The following PDE11A variants were observed in gnomAD, a reference collection of about 807,000 sequenced individuals.
The protein encoded by PDE11A is dual 3',5'-cyclic-AMP and -GMP phosphodiesterase 11A.
A neutral mutation model predicts 100.5 loss-of-function variants in PDE11A; 100 were observed. The ratio of observed to expected loss-of-function variants is 1.00; its 90% CI spans 0.85 to 1.18. PDE11A has a LOEUF of 1.18. PDE11A is among the 50% of genes most tolerant of loss of function. The pLI is 0.00. For missense variants in PDE11A, 1,141 were observed against 1,152.6 expected (o/e 0.99, Z 0.15); for synonymous variants, 381 against 420.8 (o/e 0.91, Z 1.16).
At chr2:177,953,071 A>G (rs918901200) in intron 2 of PDE11A, 13 of 152,208 alleles carry the variant, frequency 8.5e-5, no homozygotes, top group Non-Finnish European at 7.3e-5. Flanking sequence ...AAAGTCCATC[A>G]AAGCCACGGA....
intron 10 of PDE11A, among the ~76,000 whole-genome samples, chr2:177,739,878 A>C (rs1214651284): frequency 6.6e-6 from 1 of 152,186 alleles, no homozygotes; most frequent in Non-Finnish European, 1.5e-5. Flanking sequence ...TAAAGCCATC[A>C]CTCGCAGTGA....
At chr2:178,015,795 G>GA (rs565463050) in intron 1 of PDE11A, among the ~76,000 whole-genome samples, 175 of 151,864 alleles carry the variant, frequency 1.2e-3, no homozygotes, top group South Asian at 5.8e-3. Context: ...AGGGTGGAAG[G>GA]AAAAAAAGAA....
chr2:177,870,031 T>C (rs1024551585), intron 5 of PDE11A, among the ~76,000 whole-genome samples: 1 of 152,222 alleles, frequency 6.6e-6, no homozygotes, highest in Non-Finnish European at 1.5e-5. Flanking sequence ...AGTTTAGTTA[T>C]ATCAGCCTCT....
At chr2:178,034,352 C>T (rs187201711) in intron 1 of PDE11A, among the ~76,000 whole-genome samples, 61 of 152,286 alleles carry the variant, frequency 4.0e-4, no homozygotes, top group African/African-American at 1.3e-3. Flanking sequence ...GTACCCAATA[C>T]AGGAGCACTC....
intron 19 of PDE11A, among the ~76,000 whole-genome samples, chr2:177,652,598 C>T (rs749154909): frequency 2.3e-4 from 35 of 152,092 alleles, no homozygotes; most frequent in Non-Finnish European, 1.8e-4. Context: ...CTGGTGGTGA[C>T]ATGGAGCCTT....
At chr2:177,991,439 G>T (rs1477812323) in intron 2 of PDE11A, among the ~76,000 whole-genome samples, 3 of 150,622 alleles carry the variant, frequency 2.0e-5, no homozygotes, top group Admixed American at 6.7e-5. Context: ...TTTGAGACCA[G>T]CCTGGCCAAC....
intron 14 of PDE11A, chr2:177,698,437 A>T (rs1448690908): frequency 6.6e-6 from 1 of 152,114 alleles, no homozygotes; most frequent in East Asian, 1.9e-4. Flanking sequence ...AGGTTTTCTT[A>T]GTGTGAAATA....
At chr2:177,731,536 C>A (rs2081690047) in intron 10 of PDE11A, among the ~76,000 whole-genome samples, 1 of 152,118 alleles carries the variant, frequency 6.6e-6, no homozygotes, top group African/African-American at 2.4e-5. Context: ...CTGCTTTCAC[C>A]CTGCACGCCC....
intron 16 of PDE11A, among the ~76,000 whole-genome samples, chr2:177,678,741 A>G (rs1353840541): frequency 1.3e-5 from 2 of 152,164 alleles, no homozygotes; most frequent in Non-Finnish European, 2.9e-5. Context: ...GCTTCCAAAT[A>G]AGATATTTCT....
chr2:177,853,714 T>TGTGTGTGTGTGTGTGTGTGTGTTTG (rs1558974124), intron 5 of PDE11A, among the ~76,000 whole-genome samples: 1 of 16,290 alleles, frequency 6.1e-5, no homozygotes, highest in South Asian at 2.2e-3. Context: ...GTGTGTGTGT[T>TGTGTGTGTGTGTGTGTGTGTGTTTG]TGTGTGTGTG....
At position 177,625,547 on chromosome 2, in the gene PDE11A, T is replaced by C. The variant is rs2079819220; in HGVS notation, c.*3860A>G. On this transcript the variant is annotated 3_prime_UTR_variant, in exon 20 of 20. Coordinates refer to ENST00000286063, the MANE Select transcript of PDE11A (RefSeq NM_016953.4). ...AGTGACTAGTAAGAATAAATATGTC[T>C]GAAAAAAATACATCTCATCGAAAAA... 6.6e-6 allele frequency: 1 copy of C among 152,206 alleles called. No homozygotes were observed. The highest frequency in any genetic ancestry group is 1.5e-5 in the Non-Finnish European group (1 of 68,022). 9.4% of individuals were successfully genotyped at this position (152,206 alleles called of 1,614,324 possible). A position where few individuals can be genotyped will look rare whatever the true frequency, so the allele number is the denominator to read the frequency against.
chr2:177,853,871 T>TATAGATATCTATATATGTGTATAG (rs2083779650), intron 5 of PDE11A, among the ~76,000 whole-genome samples: 3 of 145,320 alleles, frequency 2.1e-5, no homozygotes, highest in African/African-American at 7.6e-5. Flanking sequence ...TATATATGTA[T>TATAGATATCTATATATGTGTATAG]ATAGATATCT....
chr2:177,770,334 G>A (rs1477626753), intron 9 of PDE11A, among the ~76,000 whole-genome samples: 2 of 152,226 alleles, frequency 1.3e-5, no homozygotes, highest in Non-Finnish European at 1.5e-5. Context: ...AAGATATATT[G>A]AGTAGAACTG....
chr2:178,072,280 G>A lies in PDE11A; in HGVS notation c.158C>T (p.Pro53Leu). 1 of 1,613,776 alleles carries A rather than the reference G, an allele frequency of 6.2e-7. No homozygotes were observed. The highest frequency in any genetic ancestry group is 1.1e-5 in the South Asian group (1 of 91,020). The change falls in exon 1 of 20, where the codon CCC (proline) becomes CTC (leucine). Residue 53 changes from proline to leucine, a missense_variant. Physicochemically the swap from Pro to Leu is moderately conservative, Grantham distance 98 (BLOSUM62 -3). Transcript: ENST00000286063. ...CAAGCTGCTGGTACCAGCCAAAGAG[G>A]GCCTTGGACCTAAAGCCCCCTGACC... ...SQGQGALGPR[P>L]SLAGTSSLAH... is the part of the protein sequence containing the mutation.
chr2:178,032,807 A>G (rs1368280389), intron 1 of PDE11A, among the ~76,000 whole-genome samples: 1 of 152,194 alleles, frequency 6.6e-6, no homozygotes, highest in East Asian at 1.9e-4. Flanking sequence ...CAGAAGAGGG[A>G]CCTGATTGTT....
intron 12 of PDE11A, among the ~76,000 whole-genome samples, chr2:177,721,353 A>G (rs1239285902): frequency 6.6e-6 from 1 of 152,130 alleles, no homozygotes; most frequent in East Asian, 1.9e-4. Flanking sequence ...TTTCATTCTC[A>G]AGAAGTCCTA....
In PDE11A at chr2:177,661,026, C is replaced by G. The variant is rs368501927; in HGVS notation, c.2646+2840G>C. Among the ~76,000 whole-genome samples, 8 of 152,282 alleles carry G rather than the reference C, an allele frequency of 5.3e-5. No individual in the cohort carries two copies. In the South Asian group the frequency reaches 8.3e-4, roughly 16 times the overall value. ...CTCCCACCCTCTGTAGACTCCAACT[C>G]TCCAACCTCCTCCACCTGCAGGAAG... On this transcript the variant is annotated intron_variant, in intron 19 of 19. Coordinates refer to ENST00000286063, the MANE Select transcript of PDE11A (RefSeq NM_016953.4).
intron 6 of PDE11A, among the ~76,000 whole-genome samples, chr2:177,828,231 T>G (rs1014957499): frequency 8.5e-5 from 13 of 152,162 alleles, no homozygotes; most frequent in African/African-American, 3.1e-4. Context: ...TTGGTACAAG[T>G]CCTTCCTCAC....
chr2:177,674,530 A>G (rs1191380705), intron 17 of PDE11A, among the ~76,000 whole-genome samples: 1 of 151,908 alleles, frequency 6.6e-6, no homozygotes, highest in Non-Finnish European at 1.5e-5. Context: ...CCCTCTTATA[A>G]GGACATTTGT....
Sources: allele counts gnomAD v4.1 joint callset (sites outside exome capture counted in the v4.1 genomes callset), GRCh38; gene constraint gnomAD v4.1.1; transcripts MANE v1.5; gene names NCBI Gene and HGNC (gene_info 2026-07-23, HGNC 2026-07-21).